Variants in KLHL20 observed in about 807,000 individuals in gnomAD.
KLHL20 encodes the protein kelch-like protein 20.
KLHL20 carries 29 observed loss-of-function variants against 69.5 expected under a neutral mutation model. That is an observed-to-expected ratio of 0.42 (90% confidence interval 0.31 to 0.57). The LOEUF (loss-of-function observed/expected upper bound fraction) is 0.57, where lower values mean the gene tolerates loss of function less well. Among genes scored for constraint, KLHL20 ranks in the 20% least tolerant of loss-of-function variants. The pLI is 0.18. For missense variants in KLHL20, 419 were observed against 776.0 expected, an observed-to-expected ratio of 0.54 and a Z score of 5.47; for synonymous variants, 253 against 265.2, an observed-to-expected ratio of 0.95 and a Z score of 0.45.
intron 3 of KLHL20, among the ~76,000 whole-genome samples, chr1:173,749,355 A>G (rs560686244): frequency 2.0e-5 from 3 of 152,320 alleles, no homozygotes; most frequent in African/African-American, 7.2e-5. Flanking sequence ...TAGCATCTAC[A>G]TTCATCTGAA....
intron 3 of KLHL20, among the ~76,000 whole-genome samples, chr1:173,738,219 A>G (rs768893427): frequency 3.9e-5 from 6 of 152,042 alleles, no homozygotes; most frequent in Non-Finnish European, 8.8e-5. Context: ...TTTGTTTGTT[A>G]TAAGAGATGA....
intron 7 of KLHL20, among the ~76,000 whole-genome samples, chr1:173,759,921 A>C (rs188348507): frequency 6.6e-6 from 1 of 152,338 alleles, no homozygotes; most frequent in East Asian, 1.9e-4. Context: ...TTATTAAGCT[A>C]ATCAGGGAGG....
intron 3 of KLHL20, among the ~76,000 whole-genome samples, chr1:173,735,173 C>A (rs1350265218): frequency 6.6e-6 from 1 of 152,200 alleles, no homozygotes; most frequent in African/African-American, 2.4e-5. Flanking sequence ...TGGCCTGGTG[C>A]AGTGGCACAT....
chr1:173,723,178 TTTAA>T (rs1190493068), intron 2 of KLHL20, among the ~76,000 whole-genome samples: 1 of 152,246 alleles, frequency 6.6e-6, no homozygotes, highest in Admixed American at 6.5e-5. Context: ...GTCTTCTGTC[TTTAA>T]TTGTTACTTT....
At chr1:173,779,599 C>A (rs1046121560) in intron 10 of KLHL20, among the ~76,000 whole-genome samples, 1 of 152,122 alleles carries the variant, frequency 6.6e-6, no homozygotes, top group South Asian at 2.1e-4. Flanking sequence ...GATCCACCCC[C>A]CTCAGCCTCC....
chr1:173,766,128 T>C lies in KLHL20; in HGVS notation c.1152-18T>C, dbSNP rs370342651. The C allele has an allele frequency of 3.8e-6, 6 of 1,563,474 alleles. No individual in the cohort carries two copies. The African/African-American group carries it at 8.4e-5, about 22-fold the overall frequency. ...CCTTTGTGTAATACAAACTCTCCTC[T>C]TGGTATGTTCTTTTCAGGTATGACC... On this transcript the variant is annotated intron_variant, in intron 7 of 11. Transcript: ENST00000209884.
intron 7 of KLHL20, among the ~76,000 whole-genome samples, chr1:173,761,030 C>T (rs1024341082): frequency 6.6e-6 from 1 of 151,994 alleles, no homozygotes; most frequent in Non-Finnish European, 1.5e-5. Flanking sequence ...AAACTTAAAG[C>T]AGTGGAAAAA....
rs567427521 is a variant in KLHL20 at position 173,743,552 on chromosome 1, C to A, written c.598-8212C>A. On this transcript the variant is annotated intron_variant, in intron 3 of 11. Coordinates refer to ENST00000209884, the MANE Select transcript of KLHL20 (RefSeq NM_014458.4). ...AGTGGTGATTTTAAAAAAAAAAAAA[C>A]TCCATTTTCTGTCTACATTCTGCTA... 3.8e-3 allele frequency among the ~76,000 whole-genome samples: 575 copies of A among 150,490 alleles called. 19 individuals carry two copies. Among genetic ancestry groups the A allele is most frequent in the Admixed American group, 0.035 (528 of 15,172 alleles).
chr1:173,770,482 G>C (rs919347935), intron 8 of KLHL20, among the ~76,000 whole-genome samples: 1 of 152,086 alleles, frequency 6.6e-6, no homozygotes, highest in Non-Finnish European at 1.5e-5. Context: ...TGGAGCATCT[G>C]AGGTCAGGAG....
intron 2 of KLHL20, among the ~76,000 whole-genome samples, chr1:173,731,180 C>A (rs1255277142): frequency 6.6e-6 from 1 of 152,110 alleles, no homozygotes; most frequent in Admixed American, 6.5e-5. Flanking sequence ...TCATCTCACA[C>A]CAGTTAGAAT....
chr1:173,734,014 G>A lies in KLHL20; in HGVS notation c.325G>A (p.Val109Ile), dbSNP rs1672411480. The change falls in exon 3 of 12, where the codon GTA (valine) becomes ATA (isoleucine). Residue 109 changes from valine to isoleucine, a missense_variant. Val to Ile is a conservative substitution (Grantham distance 29). Transcript: ENST00000209884. ...GELAESRQTE[V>I]VIRDIDERAM... ...ATTGGCAGAGAGCCGTCAGACAGAA[G>A]TAGTGATCCGAGACATTGACGAGAG... 2 of 1,614,070 alleles carry A rather than the reference G, an allele frequency of 1.2e-6. No homozygotes were observed. Among genetic ancestry groups the A allele is most frequent in the African/African-American group, 1.3e-5 (1 of 74,940 alleles).
chr1:173,785,088 T>C lies in KLHL20; in HGVS notation c.1746-75T>C, dbSNP rs1558230258. The C allele has an allele frequency of 2.0e-5, 22 of 1,100,694 alleles. No individual in the cohort carries two copies. In the East Asian group the frequency reaches 5.5e-4, roughly 28 times the overall value. The allele number at this position is 1,100,694 out of a possible 1,614,324, so 68.2% of individuals were successfully genotyped here. ...ACATAGAAACGTGTTAATAACATCT[T>C]AGTCGTAGTTAATAACATCTTAGTT... On this transcript the variant is annotated intron_variant, in intron 11 of 11. Transcript: ENST00000209884.
At chr1:173,754,404 A>G (rs1673445365) in intron 5 of KLHL20, among the ~76,000 whole-genome samples, 1 of 151,992 alleles carries the variant, frequency 6.6e-6, no homozygotes, top group South Asian at 2.1e-4. Context: ...CTCAACATGG[A>G]GAAACTGCAT....
chr1:173,774,543 A>G, intron 9 of KLHL20, 105 bp downstream of exon 9: 1 of 1,302,372 alleles, frequency 7.7e-7, no homozygotes, highest in Non-Finnish European at 1.1e-6. Context: ...ATAATTTACT[A>G]GGAAAATGCC....
rs1649188249 is a variant in KLHL20 at position 173,786,081 on chromosome 1, C to A, written c.*834C>A. On this transcript the variant is annotated 3_prime_UTR_variant, in exon 12 of 12. Transcript: ENST00000209884. ...TTACTGACTAAAGCAACTGTCCTTC[C>A]TGTTTCCTTATTGCTACCAAGGACC... The A allele has an allele frequency of 6.6e-6, 1 of 152,270 alleles. No homozygotes were observed. Among genetic ancestry groups the A allele is most frequent in the African/African-American group, 2.4e-5 (1 of 41,448 alleles). The allele number at this position is 152,270 out of a possible 1,614,324, so 9.4% of individuals were successfully genotyped here.
intron 3 of KLHL20, among the ~76,000 whole-genome samples, chr1:173,735,935 T>G (rs1672510925): frequency 7.3e-6 from 1 of 136,230 alleles, no homozygotes; most frequent in Non-Finnish European, 1.6e-5. Flanking sequence ...TGCCATTCTA[T>G]CTTTTTTTTT....
chr1:173,746,669 T>C (rs1673073619), intron 3 of KLHL20, among the ~76,000 whole-genome samples: 1 of 152,126 alleles, frequency 6.6e-6, no homozygotes, highest in Non-Finnish European at 1.5e-5. Context: ...ATAATCCATT[T>C]TAACTTTTTT....
intron 2 of KLHL20, among the ~76,000 whole-genome samples, chr1:173,732,041 C>T (rs192734066): frequency 2.0e-5 from 3 of 151,748 alleles, no homozygotes; most frequent in South Asian, 2.1e-4. Flanking sequence ...ACTAAAAATA[C>T]GAAAAATTAG....
chr1:173,724,172 ATT>A (rs375714592), intron 2 of KLHL20, among the ~76,000 whole-genome samples: 39 of 134,118 alleles, frequency 2.9e-4, no homozygotes, highest in Non-Finnish European at 3.4e-4. Flanking sequence ...TGTTTTGGGG[ATT>A]TTTTTTTTTT....
Sources: allele counts gnomAD v4.1 joint callset (sites outside exome capture counted in the v4.1 genomes callset), GRCh38; gene constraint gnomAD v4.1.1; transcripts MANE v1.5; gene names NCBI Gene and HGNC (gene_info 2026-07-23, HGNC 2026-07-21).